The following ZFHX3 variants were observed in gnomAD, a reference collection of about 807,000 sequenced individuals.
ZFHX3 encodes the protein zinc finger homeobox protein 3.
A neutral mutation model predicts 279.1 loss-of-function variants in ZFHX3; 42 were observed. That is an observed-to-expected ratio of 0.15 (90% CI 0.12 to 0.19). ZFHX3 has a LOEUF of 0.19. Among genes scored for constraint, ZFHX3 ranks in the 10% least tolerant of loss-of-function variants. ZFHX3 has a pLI of 1.00. For missense variants in ZFHX3, 4,981 were observed against 4,754.0 expected (o/e 1.05, Z -1.40); for synonymous variants, 2,293 against 1,957.8 (o/e 1.17, Z -4.52).
chr16:73,032,740 T>C (rs11075960), intron 1 of ZFHX3, among the ~76,000 whole-genome samples: 135,969 of 151,996 alleles, frequency 0.89, 61,001 homozygotes, highest in East Asian at 1. Context: ...AGGACTTTCT[T>C]TTCCTCCTCC....
At chr16:73,486,843 G>A in intron 2 of ZFHX3, 1 of 456,008 alleles carries the variant, frequency 2.2e-6, no homozygotes, top group Non-Finnish European at 4.4e-6. Context: ...AGGGTCTCAG[G>A]CTTTACCCAG....
At chr16:73,341,808 A>G (rs552597833) in intron 3 of ZFHX3, among the ~76,000 whole-genome samples, 67 of 152,362 alleles carry the variant, frequency 4.4e-4, no homozygotes, top group African/African-American at 1.5e-3. Context: ...AGGCTTAAAA[A>G]TATAATGCTC....
intron 4 of ZFHX3, among the ~76,000 whole-genome samples, chr16:73,291,437 A>G (rs894270252): frequency 1.3e-5 from 2 of 152,220 alleles, no homozygotes; most frequent in African/African-American, 4.8e-5. Flanking sequence ...TTATGAGATT[A>G]TACGCCAGTC....
intron 2 of ZFHX3, among the ~76,000 whole-genome samples, chr16:73,556,028 G>A (rs952779185): frequency 2.0e-5 from 3 of 152,178 alleles, no homozygotes; most frequent in Non-Finnish European, 4.4e-5. Context: ...GTGATGTGAA[G>A]TCAGTTTGTG....
chr16:73,098,931 G>T (rs866233561), intron 7 of ZFHX3: 1 of 152,270 alleles, frequency 6.6e-6, no homozygotes, highest in South Asian at 2.1e-4. Flanking sequence ...TGCTTCTCAG[G>T]TATGCTAAAG....
intron 2 of ZFHX3, among the ~76,000 whole-genome samples, chr16:73,615,470 G>A (rs754611853): frequency 6.6e-6 from 1 of 152,174 alleles, no homozygotes; most frequent in Non-Finnish European, 1.5e-5. Context: ...TAACAGCTGA[G>A]GGGTACTTGC....
At chr16:73,324,577 T>C (rs1044634300) in intron 3 of ZFHX3, among the ~76,000 whole-genome samples, 16 of 152,144 alleles carry the variant, frequency 1.1e-4, no homozygotes, top group African/African-American at 3.4e-4. Context: ...GAGAATGCAA[T>C]GATGAAAGTG....
intron 2 of ZFHX3, among the ~76,000 whole-genome samples, chr16:73,648,020 G>C (rs781399267): frequency 6.6e-5 from 10 of 152,140 alleles, no homozygotes; most frequent in Admixed American, 5.2e-4. Flanking sequence ...GTCAAAAAGT[G>C]TGGTCTTTCA....
chr16:73,338,412 T>A (rs1597291034), intron 3 of ZFHX3, among the ~76,000 whole-genome samples: 1 of 152,190 alleles, frequency 6.6e-6, no homozygotes, highest in African/African-American at 2.4e-5. Context: ...AGTAATTAAA[T>A]GAATCACACT....
chr16:72,859,271 CCT>C (rs1287136984), intron 4 of ZFHX3, among the ~76,000 whole-genome samples: 4 of 152,310 alleles, frequency 2.6e-5, no homozygotes, highest in South Asian at 4.1e-4. Context: ...TTTCTTTTCC[CCT>C]GTCACCAACT....
At chr16:72,893,307 A>G (rs1334383755) in intron 3 of ZFHX3, among the ~76,000 whole-genome samples, 2 of 152,200 alleles carry the variant, frequency 1.3e-5, no homozygotes, top group Admixed American at 6.5e-5. Context: ...TCCCTATGAA[A>G]CAGGATTTCC....
intron 2 of ZFHX3, among the ~76,000 whole-genome samples, chr16:73,480,734 TGTGA>T (rs1458310986): frequency 6.6e-6 from 1 of 152,156 alleles, no homozygotes; most frequent in Non-Finnish European, 1.5e-5. Flanking sequence ...CATGGGGAGA[TGTGA>T]GTGTCAGTAG....
intron 2 of ZFHX3, among the ~76,000 whole-genome samples, chr16:73,602,168 G>GA (rs1241985418): frequency 2.0e-5 from 3 of 152,098 alleles, no homozygotes; most frequent in Non-Finnish European, 2.9e-5. Flanking sequence ...AAGAAGAACA[G>GA]AAAAAACATG....
At chr16:73,734,090 A>G (rs772704898) in intron 1 of ZFHX3, among the ~76,000 whole-genome samples, 2 of 152,124 alleles carry the variant, frequency 1.3e-5, no homozygotes, top group Admixed American at 6.5e-5. Flanking sequence ...CACATGCTCA[A>G]TTCACAATAG....
chr16:72,800,669 A>T (rs1295222022), intron 7 of ZFHX3, among the ~76,000 whole-genome samples: 2 of 152,254 alleles, frequency 1.3e-5, no homozygotes, highest in Non-Finnish European at 2.9e-5. Context: ...ACACGCAGAC[A>T]TGCTGGCAGA....
chr16:73,304,417 C>CT (rs879295385), intron 4 of ZFHX3, among the ~76,000 whole-genome samples: 6 of 152,136 alleles, frequency 3.9e-5, no homozygotes, highest in Non-Finnish European at 8.8e-5. Context: ...CCGCGTGCCT[C>CT]TGTGTGTTTG....
At chr16:73,849,732 CATTT>C (rs753927508) in intron 1 of ZFHX3, among the ~76,000 whole-genome samples, 2 of 152,068 alleles carry the variant, frequency 1.3e-5, no homozygotes, top group South Asian at 4.1e-4. Flanking sequence ...ACTGATATAG[CATTT>C]ATTTATTTAT....
chr16:73,547,628 T>A (rs1036622242), intron 2 of ZFHX3, among the ~76,000 whole-genome samples: 5 of 152,102 alleles, frequency 3.3e-5, no homozygotes, highest in African/African-American at 1.2e-4. Context: ...AGGGCTTGAT[T>A]TTCATAATAC....
chr16:73,361,377 G>A (rs757253186), intron 3 of ZFHX3, among the ~76,000 whole-genome samples: 1 of 152,256 alleles, frequency 6.6e-6, no homozygotes, highest in Non-Finnish European at 1.5e-5. Flanking sequence ...GCTTTGGCTT[G>A]AGCGATGAGA....
Sources: gnomAD v4.1 joint callset for allele counts (sites outside exome capture counted in the v4.1 genomes callset) on GRCh38, gnomAD v4.1.1 for gene constraint, MANE v1.5 for transcripts, NCBI Gene and HGNC (gene_info 2026-07-23, HGNC 2026-07-21) for gene names.